SLIT3: variants seen among roughly 807,000 people sequenced by gnomAD.
SLIT3 encodes slit guidance ligand 3, also known as slit homolog 3 protein.
SLIT3 carries 68 observed loss-of-function variants against 184.0 expected under a neutral mutation model. The ratio of observed to expected loss-of-function variants is 0.37; its 90% confidence interval spans 0.30 to 0.45. The LOEUF (loss-of-function observed/expected upper bound fraction) is 0.45, where lower values mean the gene tolerates loss of function less well. SLIT3 is among the 20% of genes least tolerant of loss of function. The pLI is 1.00. For synonymous variants in SLIT3, 831 were observed against 828.6 expected, an observed-to-expected ratio of 1.00 and a Z score of -0.05; for missense variants, 1,707 against 2,026.0, an observed-to-expected ratio of 0.84 and a Z score of 3.02.
chr5:168,902,711 T>C (rs576913492), intron 4 of SLIT3, among the ~76,000 whole-genome samples: 2 of 152,314 alleles, frequency 1.3e-5, no homozygotes, highest in South Asian at 2.1e-4. Flanking sequence ...AACCCCTCCA[T>C]GTGATGCTTA....
At chr5:168,725,870 G>A (rs766106779) in intron 20 of SLIT3, among the ~76,000 whole-genome samples, 1 of 152,204 alleles carries the variant, frequency 6.6e-6, no homozygotes, top group Non-Finnish European at 1.5e-5. Context: ...AGGTGTCAAT[G>A]ACTGAACCAG....
At chr5:168,974,903 G>T (rs1166244072) in intron 4 of SLIT3, among the ~76,000 whole-genome samples, 2 of 152,216 alleles carry the variant, frequency 1.3e-5, no homozygotes, top group East Asian at 3.8e-4. Context: ...CCGGAGAATG[G>T]GGAAAGGACT....
intron 4 of SLIT3, among the ~76,000 whole-genome samples, chr5:169,054,143 T>C (rs1425357692): frequency 6.6e-6 from 1 of 150,386 alleles, no homozygotes; most frequent in Admixed American, 6.6e-5. Context: ...TTGAGGCTAT[T>C]AGTGTGGGCC....
At chr5:168,780,488 C>A (rs1581074624) in intron 12 of SLIT3, among the ~76,000 whole-genome samples, 1 of 152,254 alleles carries the variant, frequency 6.6e-6, no homozygotes, top group East Asian at 1.9e-4. Flanking sequence ...AGGCGTCTGG[C>A]ATAACCCTTT....
chr5:168,812,744 T>A (rs1218553583), intron 8 of SLIT3, among the ~76,000 whole-genome samples: 3 of 152,266 alleles, frequency 2.0e-5, no homozygotes, highest in African/African-American at 7.2e-5. Flanking sequence ...AGAGGCATGA[T>A]AATTTTGGGA....
At chr5:169,035,647 G>GAAAAAAA (rs201819555) in intron 4 of SLIT3, among the ~76,000 whole-genome samples, 144 of 103,538 alleles carry the variant, frequency 1.4e-3, no homozygotes, top group African/African-American at 2.1e-3. Context: ...ACTGCATCTG[G>GAAAAAAA]AAAAAAAAAA....
rs547620741 is a variant in SLIT3, at chr5:169,090,805, G to A, written c.413+102674C>T. ...AGCTGCTAGAAGCTGGAGGAGACGG[G>A]GAACAAATTCTCTGCTAGAGCCTCC... On this transcript the variant is annotated intron_variant, in intron 4 of 35. Coordinates refer to ENST00000519560, the MANE Select transcript of SLIT3 (RefSeq NM_003062.4). Among the ~76,000 whole-genome samples, 100 of 152,304 alleles carry A rather than the reference G, an allele frequency of 6.6e-4. 1 individual carries two copies. The highest frequency in any genetic ancestry group is 1.1e-3 in the Non-Finnish European group (73 of 68,022).
intron 12 of SLIT3, 51 bp downstream of exon 12, chr5:168,785,856 G>C: frequency 7.5e-7 from 1 of 1,335,402 alleles, no homozygotes; most frequent in Non-Finnish European, 1.1e-6. Context: ...TTTCAGGTGG[G>C]AGCCTTCCGA....
chr5:168,845,173 G>C (rs899300792), intron 5 of SLIT3, among the ~76,000 whole-genome samples: 2 of 152,122 alleles, frequency 1.3e-5, no homozygotes, highest in Admixed American at 1.3e-4. Context: ...CGGCAAGGGT[G>C]CATGGGGAAT....
chr5:169,207,905 A>T (rs1178062141), intron 3 of SLIT3, among the ~76,000 whole-genome samples: 1 of 152,158 alleles, frequency 6.6e-6, no homozygotes, highest in Non-Finnish European at 1.5e-5. Flanking sequence ...GTGGGTCCTC[A>T]CCAGACACCA....
At chr5:168,758,855 C>A (rs1214043459) in intron 16 of SLIT3, among the ~76,000 whole-genome samples, 1 of 152,148 alleles carries the variant, frequency 6.6e-6, no homozygotes, top group Non-Finnish European at 1.5e-5. Context: ...AGTAAGCATC[C>A]CTAACCAGAA....
intron 5 of SLIT3, among the ~76,000 whole-genome samples, chr5:168,866,361 C>T: frequency 6.6e-6 from 1 of 152,220 alleles, no homozygotes; most frequent in Admixed American, 6.5e-5. Flanking sequence ...TGAGGCCCTC[C>T]CACATTCTCC....
intron 1 of SLIT3, among the ~76,000 whole-genome samples, chr5:169,265,219 CGA>C (rs1766352279): frequency 6.6e-6 from 1 of 152,194 alleles, no homozygotes; most frequent in African/African-American, 2.4e-5. Flanking sequence ...ACAGCAGAGA[CGA>C]ACTTGCAAAC....
At chr5:168,920,797 T>C (rs1761610116) in intron 4 of SLIT3, among the ~76,000 whole-genome samples, 1 of 145,988 alleles carries the variant, frequency 6.8e-6, no homozygotes, top group Admixed American at 6.7e-5. Flanking sequence ...ACTCCAAGTC[T>C]CTCTCTCCCT....
intron 4 of SLIT3, among the ~76,000 whole-genome samples, chr5:168,953,457 G>A (rs977292643): frequency 6.6e-6 from 1 of 152,194 alleles, no homozygotes; most frequent in Non-Finnish European, 1.5e-5. Flanking sequence ...GGGAAAGGGA[G>A]AATATGTCAG....
At chr5:169,106,453 T>C (rs1760210337) in intron 4 of SLIT3, among the ~76,000 whole-genome samples, 1 of 152,156 alleles carries the variant, frequency 6.6e-6, no homozygotes, top group Non-Finnish European at 1.5e-5. Flanking sequence ...TTCCTTAGTA[T>C]CTCCAATGCA....
At chr5:169,282,044 G>C (rs189743671) in intron 1 of SLIT3, among the ~76,000 whole-genome samples, 1 of 152,234 alleles carries the variant, frequency 6.6e-6, no homozygotes. Flanking sequence ...TAGTACTGAA[G>C]TGAGAAAGCC....
intron 4 of SLIT3, among the ~76,000 whole-genome samples, chr5:169,025,783 A>T (rs1225642915): frequency 6.6e-6 from 1 of 152,224 alleles, no homozygotes; most frequent in Admixed American, 6.5e-5. Flanking sequence ...TTCATCAAAA[A>T]AAAGTCTAAA....
intron 1 of SLIT3, among the ~76,000 whole-genome samples, chr5:169,265,156 A>AAAGC (rs1554113087): frequency 6.6e-6 from 1 of 150,916 alleles, no homozygotes; most frequent in Admixed American, 6.6e-5. Flanking sequence ...TCCATGCTCA[A>AAAGC]AAACAAACAA....
Sources: allele counts gnomAD v4.1 joint callset (sites outside exome capture counted in the v4.1 genomes callset), GRCh38; gene constraint gnomAD v4.1.1; transcripts MANE v1.5; gene names NCBI Gene and HGNC (gene_info 2026-07-23, HGNC 2026-07-21).